Variants in APLP2 observed in about 807,000 individuals in gnomAD.
The protein encoded by APLP2 is CDEI box-binding protein.
APLP2 carries 53 observed loss-of-function variants against 89.9 expected under a neutral mutation model. The observed-to-expected ratio is 0.59, with a 90% CI of 0.47 to 0.74. APLP2 has a LOEUF of 0.74. Among genes scored for constraint, APLP2 ranks in the 30% least tolerant of loss-of-function variants. APLP2 has a pLI of 0.00. For missense variants in APLP2, 973 were observed against 975.9 expected (o/e 1.00, Z 0.04); for synonymous variants, 372 against 348.6 (o/e 1.07, Z -0.75).
intron 1 of APLP2, among the ~76,000 whole-genome samples, chr11:130,079,740 C>G (rs1942842011): frequency 6.6e-6 from 1 of 152,032 alleles, no homozygotes; most frequent in Non-Finnish European, 1.5e-5. Context: ...ATTTCTTTTT[C>G]TTGCTTTGCT....
chr11:130,115,824 G>T (rs1016772357), intron 3 of APLP2, among the ~76,000 whole-genome samples: 1 of 152,178 alleles, frequency 6.6e-6, no homozygotes, highest in Admixed American at 6.5e-5. Flanking sequence ...AAATGATAGA[G>T]CGGATGCTGG....
rs560086508 is a variant in APLP2, at chr11:130,143,827, C to G, written c.*379C>G. On this transcript the variant is annotated 3_prime_UTR_variant, in exon 17 of 17. Coordinates refer to ENST00000338167, the MANE Select transcript of APLP2 (RefSeq NM_001142276.2). ...ATAGACTTATATGCAGGCTGTCGTT[C>G]CGGTTATGTTGTGTAAGTCAACTCT... is the stretch of plus-strand genomic sequence containing the variant. 2.7e-5 allele frequency: 5 copies of G among 184,210 alleles called. No homozygotes were observed. The highest frequency in any genetic ancestry group is 2.9e-4 in the East Asian group (2 of 6,804). 11.4% of individuals were successfully genotyped at this position (184,210 alleles called of 1,614,324 possible). A position where few individuals can be genotyped will look rare whatever the true frequency, so the allele number is the denominator to read the frequency against.
chr11:130,117,860 G>A (rs1017440730), intron 3 of APLP2, among the ~76,000 whole-genome samples: 8 of 152,128 alleles, frequency 5.3e-5, no homozygotes, highest in African/African-American at 1.2e-4. Flanking sequence ...GGATCACAAG[G>A]TCAGTAGATC....
In APLP2 at chr11:130,120,831, G is replaced by A. The variant is rs751021885; in HGVS notation, c.516+13G>A. On this transcript the variant is annotated intron_variant, in intron 4 of 16. Coordinates refer to ENST00000338167, the MANE Select transcript of APLP2 (RefSeq NM_001142276.2). ...GGTAGTCAAAGAGGTAAGAGAACTCGGGGGGAAAGTCAGCTGCTGTTGTAT... is the reference window on the plus strand; with the variant it reads ...GGTAGTCAAAGAGGTAAGAGAACTCAGGGGGAAAGTCAGCTGCTGTTGTAT... 36 of 1,576,280 alleles carry A rather than the reference G, an allele frequency of 2.3e-5. No individual in the cohort carries two copies. The highest frequency in any genetic ancestry group is 4.5e-5 in the East Asian group (2 of 44,738).
chr11:130,140,402 T>G lies in APLP2; in HGVS notation c.1842T>G (p.Ser614=). 6.2e-7 allele frequency: 1 copy of G among 1,606,088 alleles called. No homozygotes were observed. ...PFPALPENEG[S]GVGEQDGGLI... ...CCATGATCTCTCTCCACACAGGATC[T>G]GGAGTGGGAGAGCAGGATGGGGGAC... is the stretch of plus-strand genomic sequence containing the variant. Residue 614 remains serine (S), a synonymous_variant, in exon 14 of 17, where the codon TCT becomes TCG. Coordinates refer to ENST00000338167, the MANE Select transcript of APLP2 (RefSeq NM_001142276.2).
chr11:130,080,234 C>T (rs1042739999), intron 1 of APLP2, among the ~76,000 whole-genome samples: 17 of 152,026 alleles, frequency 1.1e-4, no homozygotes, highest in Non-Finnish European at 1.6e-4. Flanking sequence ...TTTTTTGAGA[C>T]GGAATCTTAC....
chr11:130,074,727 G>C (rs577572152), intron 1 of APLP2, among the ~76,000 whole-genome samples: 141 of 152,276 alleles, frequency 9.3e-4, no homozygotes, highest in African/African-American at 3.2e-3. Context: ...TCTGTTAATA[G>C]ATAGGTCATG....
At chr11:130,090,943 G>T in intron 1 of APLP2, among the ~76,000 whole-genome samples, 1 of 144,102 alleles carries the variant, frequency 6.9e-6, no homozygotes, top group South Asian at 2.2e-4. Flanking sequence ...CGGGCGGGGG[G>T]CCGACACCCC....
At chr11:130,127,156 T>C (rs948288848) in intron 8 of APLP2, among the ~76,000 whole-genome samples, 1 of 151,870 alleles carries the variant, frequency 6.6e-6, no homozygotes, top group Non-Finnish European at 1.5e-5. Context: ...AAAAAGCTAG[T>C]ACCATTTGCC....
chr11:130,120,927 A>G (rs1176909425), intron 4 of APLP2, 109 bp downstream of exon 4: 3 of 771,854 alleles, frequency 3.9e-6, no homozygotes, highest in Non-Finnish European at 6.9e-6. Context: ...TTCCCCCATT[A>G]TCTCCTTAAG....
intron 3 of APLP2, among the ~76,000 whole-genome samples, chr11:130,120,434 C>T (rs775317541): frequency 3.3e-5 from 5 of 152,126 alleles, no homozygotes; most frequent in Non-Finnish European, 5.9e-5. Flanking sequence ...TTATATTCCC[C>T]GTCACGTGTT....
At chr11:130,121,860 C>T in intron 5 of APLP2, 50 bp downstream of exon 5, 1 of 1,580,576 alleles carries the variant, frequency 6.3e-7, no homozygotes, top group South Asian at 1.1e-5. Flanking sequence ...TTTGTTAGCC[C>T]TTCTGTAAAG....
Position 130,069,951 on chromosome 11 carries a change from C to T in APLP2, c.-27C>T. ...GAGTCCGAGTGTGTGAGCTTGAGAG[C>T]CGCGCGCTAGAGCGACCCGGCGAGG... On this transcript the variant is annotated 5_prime_UTR_variant, in exon 1 of 17. Transcript: ENST00000338167. 6.7e-7 allele frequency: 1 copy of T among 1,484,856 alleles called. No individual in the cohort carries two copies. Among genetic ancestry groups the T allele is most frequent in the East Asian group, 2.8e-5 (1 of 35,798 alleles). The allele number at this position is 1,484,856 out of a possible 1,614,324, so 92.0% of individuals were successfully genotyped here. A position where few individuals can be genotyped will look rare whatever the true frequency, so the allele number is the denominator to read the frequency against.
intron 1 of APLP2, among the ~76,000 whole-genome samples, chr11:130,073,718 G>A (rs1301872215): frequency 1.3e-5 from 2 of 152,148 alleles, no homozygotes; most frequent in Non-Finnish European, 2.9e-5. Context: ...GCGTGCGCCT[G>A]TAATCCCAGC....
intron 1 of APLP2, among the ~76,000 whole-genome samples, chr11:130,091,250 CG>C (rs1283438409): frequency 1.6e-5 from 2 of 124,060 alleles, no homozygotes; most frequent in African/African-American, 7.0e-5. Context: ...CCGCACGGGG[CG>C]GCTGGCCGGG....
chr11:130,093,171 A>G (rs1442209757), intron 1 of APLP2, among the ~76,000 whole-genome samples: 1 of 152,206 alleles, frequency 6.6e-6, no homozygotes, highest in African/African-American at 2.4e-5. Flanking sequence ...CTCCCTGGAG[A>G]GGCAAAGGCC....
At chr11:130,142,182 C>A in intron 16 of APLP2, 108 bp downstream of exon 16, 2 of 1,249,432 alleles carry the variant, frequency 1.6e-6, no homozygotes, top group Non-Finnish European at 2.1e-6. Context: ...GGACATGCTG[C>A]TGTTATCAGT....
At chr11:130,070,471 T>G in intron 1 of APLP2, 1 of 1,064,704 alleles carries the variant, frequency 9.4e-7, no homozygotes, top group Non-Finnish European at 1.2e-6. Context: ...CGGCTGGGCT[T>G]TCTCCAGGGG....
At chr11:130,092,501 CT>C (rs1479607843) in intron 1 of APLP2, among the ~76,000 whole-genome samples, 1 of 141,210 alleles carries the variant, frequency 7.1e-6, no homozygotes, top group Non-Finnish European at 1.5e-5. Context: ...TGGCGGATCA[CT>C]CGCGGTTAGG....
Sources: allele counts gnomAD v4.1 joint callset (sites outside exome capture counted in the v4.1 genomes callset), GRCh38; gene constraint gnomAD v4.1.1; transcripts MANE v1.5; gene names NCBI Gene and HGNC (gene_info 2026-07-23, HGNC 2026-07-21).